Variants in SMYD1 observed in about 807,000 individuals in gnomAD.
SMYD1 encodes the protein SET and MYND domain containing 1.
A neutral mutation model predicts 54.0 loss-of-function variants in SMYD1; 49 were observed. The observed-to-expected ratio is 0.91, with a 90% confidence interval of 0.72 to 1.15. The LOEUF is 1.15. SMYD1 is among the 50% of genes most tolerant of loss of function. The probability of loss-of-function intolerance (pLI) is 0.00; values close to 1 mark genes in which losing one functional copy is unlikely to be tolerated. For synonymous variants in SMYD1, 269 were observed against 234.2 expected, an observed-to-expected ratio of 1.15 and a Z score of -1.36; for missense variants, 653 against 639.6, an observed-to-expected ratio of 1.02 and a Z score of -0.23.
intron 4 of SMYD1, among the ~76,000 whole-genome samples, chr2:88,092,301 G>T (rs1057258705): frequency 6.6e-6 from 1 of 152,118 alleles, no homozygotes; most frequent in Non-Finnish European, 1.5e-5. Flanking sequence ...TGGATTTGGG[G>T]GTGGGGTACA....
chr2:88,072,674 G>T (rs1022848200), intron 1 of SMYD1, among the ~76,000 whole-genome samples: 3 of 151,790 alleles, frequency 2.0e-5, no homozygotes, highest in Non-Finnish European at 2.9e-5. Context: ...GATTTTTTTT[G>T]ATTTCTTAGT....
intron 1 of SMYD1, among the ~76,000 whole-genome samples, chr2:88,078,412 T>G (rs1674116696): frequency 6.6e-6 from 1 of 152,196 alleles, no homozygotes; most frequent in Non-Finnish European, 1.5e-5. Flanking sequence ...GGTGTTGCTA[T>G]TCCCATTTTC....
chr2:88,104,187 C>T (rs1215480449), intron 7 of SMYD1, among the ~76,000 whole-genome samples: 3 of 152,094 alleles, frequency 2.0e-5, no homozygotes, highest in South Asian at 2.1e-4. Flanking sequence ...AGGATGGTCT[C>T]GATTTCCCAA....
intron 5 of SMYD1, among the ~76,000 whole-genome samples, chr2:88,096,078 G>T (rs534149954): frequency 1.3e-5 from 2 of 152,286 alleles, no homozygotes; most frequent in South Asian, 2.1e-4. Flanking sequence ...AGGTAATTTG[G>T]CCTGAACCAT....
At chr2:88,075,846 C>A (rs772653411) in intron 1 of SMYD1, among the ~76,000 whole-genome samples, 4 of 152,100 alleles carry the variant, frequency 2.6e-5, no homozygotes, top group Non-Finnish European at 5.9e-5. Flanking sequence ...CCAGCCCCCA[C>A]TGACTTCTTA....
intron 8 of SMYD1, 94 bp downstream of exon 8, chr2:88,106,582 C>T: frequency 2.2e-6 from 3 of 1,336,228 alleles, no homozygotes; most frequent in Non-Finnish European, 2.1e-6. Flanking sequence ...GCCTCTCCCT[C>T]CTATACCCAC....
At chr2:88,089,545 T>C (rs1674414877) in intron 3 of SMYD1, among the ~76,000 whole-genome samples, 1 of 150,550 alleles carries the variant, frequency 6.6e-6, no homozygotes, top group African/African-American at 2.5e-5. Flanking sequence ...AGGGAAAGTC[T>C]AGAAGCAGTC....
intron 3 of SMYD1, among the ~76,000 whole-genome samples, 200 bp from the exon 4 acceptor site, chr2:88,090,812 A>G (rs953587954): frequency 5.3e-5 from 8 of 152,234 alleles, no homozygotes; most frequent in Admixed American, 2.0e-4. Context: ...TTTTGCAGGT[A>G]TGGGACTGTT....
At chr2:88,110,113 G>A (rs1267521988) in intron 9 of SMYD1, among the ~76,000 whole-genome samples, 3 of 152,014 alleles carry the variant, frequency 2.0e-5, no homozygotes, top group African/African-American at 2.4e-5. Context: ...TTCTGAGAAC[G>A]GTTCCTTCAG....
At chr2:88,069,612 A>G (rs375607241) in intron 1 of SMYD1, among the ~76,000 whole-genome samples, 1 of 152,320 alleles carries the variant, frequency 6.6e-6, no homozygotes, top group East Asian at 1.9e-4. Flanking sequence ...CCCAAAGTCA[A>G]TCTAGCCAAT....
In SMYD1 at chr2:88,112,127, T is replaced by C. The variant is rs574236903; in HGVS notation, c.*1615T>C. 1.4e-6 allele frequency: 1 copy of C among 703,450 alleles called. No individual in the cohort carries two copies. Among genetic ancestry groups the C allele is most frequent in the African/African-American group, 1.7e-5 (1 of 57,390 alleles). 43.6% of individuals were successfully genotyped at this position (703,450 alleles called of 1,614,324 possible). ...GTTTTACAAGAAGACTGATAGTCTT[T>C]CAAGCCCCCACATCACAGGCTTAGG... On this transcript the variant is annotated 3_prime_UTR_variant, in exon 10 of 10. Transcript: ENST00000419482.
chr2:88,075,734 G>A (rs1257632763), intron 1 of SMYD1, among the ~76,000 whole-genome samples: 1 of 151,718 alleles, frequency 6.6e-6, no homozygotes, highest in Non-Finnish European at 1.5e-5. Flanking sequence ...TAGAGGCAGT[G>A]GTCTCACTAT....
intron 4 of SMYD1, among the ~76,000 whole-genome samples, chr2:88,091,361 T>C (rs1445750732): frequency 6.6e-6 from 1 of 152,198 alleles, no homozygotes; most frequent in Non-Finnish European, 1.5e-5. Flanking sequence ...TGAATGTGTA[T>C]GTTTCTTGGG....
At chr2:88,093,448 C>T (rs974829141) in intron 4 of SMYD1, 69 bp from the exon 5 acceptor site, 19 of 1,565,898 alleles carry the variant, frequency 1.2e-5, no homozygotes, top group East Asian at 6.7e-5. Context: ...GCTGTACACC[C>T]TTGCACTGGA....
At chr2:88,093,426 G>C (rs1318378459) in intron 4 of SMYD1, 91 bp from the exon 5 acceptor site, 38 of 1,472,828 alleles carry the variant, frequency 2.6e-5, no homozygotes, top group Non-Finnish European at 3.5e-5. Context: ...CTTTGATACT[G>C]TGACCCAGAA....
chr2:88,093,588 C>T lies in SMYD1; in HGVS notation c.698+33C>T, dbSNP rs764744962. The T allele has an allele frequency of 3.1e-6, 5 of 1,613,828 alleles. No individual in the cohort carries two copies. In the South Asian group the frequency reaches 5.5e-5, roughly 18 times the overall value. ...AGTCCTTTCAAGCATCCCTGCTCCT[C>T]TGACCCATCTCCCTCACTTACCTGG... On this transcript the variant is annotated intron_variant, in intron 5 of 9. Transcript: ENST00000419482.
At chr2:88,068,085 G>A (rs922459080) in intron 1 of SMYD1, 84 bp downstream of exon 1, 19 of 1,490,524 alleles carry the variant, frequency 1.3e-5, no homozygotes, top group Non-Finnish European at 1.7e-5. Flanking sequence ...AAAATCATCA[G>A]GGGAAGGGAT....
Position 88,075,757 on chromosome 2 carries a change from G to T in SMYD1, c.137+7756G>T, listed in dbSNP as rs567094478. On this transcript the variant is annotated intron_variant, in intron 1 of 9. Transcript: ENST00000419482. Reference sequence around the variant, plus strand: ...GTGGTCTCACTATTTTGCCCAAGCTGGTCTCAAACTCCTGGGCTCAAGTGA... The same window carrying T: ...GTGGTCTCACTATTTTGCCCAAGCTTGTCTCAAACTCCTGGGCTCAAGTGA... Among the ~76,000 whole-genome samples the T allele has an allele frequency of 9.9e-5, 15 of 151,986 alleles. No individual in the cohort carries two copies. The South Asian group carries it at 3.1e-3, about 32-fold the overall frequency.
intron 1 of SMYD1, among the ~76,000 whole-genome samples, chr2:88,083,617 A>C (rs2970896): frequency 0.82 from 123,901 of 152,002 alleles, 50,835 homozygotes; most frequent in East Asian, 1. Flanking sequence ...TGTAGATATT[A>C]TTTTGCATAC....
Sources: allele counts gnomAD v4.1 joint callset (sites outside exome capture counted in the v4.1 genomes callset), GRCh38; gene constraint gnomAD v4.1.1; transcripts MANE v1.5; gene names NCBI Gene and HGNC (gene_info 2026-07-23, HGNC 2026-07-21).